Variants in MED30 observed in about 807,000 individuals in gnomAD.
The protein encoded by MED30 is mediator of RNA polymerase II transcription subunit 30.
In MED30, 8 loss-of-function variants were observed where a neutral mutation model predicts 21.7. The ratio of observed to expected loss-of-function variants is 0.37; its 90% confidence interval spans 0.22 to 0.67. The LOEUF is 0.67. Among genes scored for constraint, MED30 ranks in the 30% least tolerant of loss-of-function variants. The pLI is 0.58. For synonymous variants in MED30, 79 were observed against 86.7 expected (o/e 0.91, Z 0.49); for missense variants, 203 against 228.2 (o/e 0.89, Z 0.71).
chr8:117,529,013 C>CT, intron 2 of MED30: 2 of 335,340 alleles, frequency 6.0e-6, no homozygotes, highest in Non-Finnish European at 1.1e-5. Flanking sequence ...TTCTTGTAGA[C>CT]TTTGACAGGC....
rs930684627 is a variant in MED30 at position 117,520,769 on chromosome 8, G to C, written c.-108G>C. On this transcript the variant is annotated 5_prime_UTR_variant, in exon 1 of 4. Transcript: ENST00000297347. ...CGCTGTTTTGAAATCGGGCCGCGGG[G>C]GGTCTCTCAAGCTGGTTCCAACGCT... 7.9e-6 allele frequency: 9 copies of C among 1,139,424 alleles called. No individual in the cohort carries two copies. In the African/African-American group the frequency reaches 1.5e-4, roughly 18 times the overall value. The allele number at this position is 1,139,424 out of a possible 1,614,324, so 70.6% of individuals were successfully genotyped here. A position where few individuals can be genotyped will look rare whatever the true frequency, so the allele number is the denominator to read the frequency against.
chr8:117,522,183 GA>G (rs1818634340), intron 1 of MED30, among the ~76,000 whole-genome samples: 2 of 152,066 alleles, frequency 1.3e-5, no homozygotes, highest in Admixed American at 1.3e-4. Flanking sequence ...TTTAAATTTT[GA>G]TGGAATCCAG....
intron 3 of MED30, among the ~76,000 whole-genome samples, chr8:117,538,240 G>A (rs758211226): frequency 2.7e-4 from 41 of 152,130 alleles, no homozygotes; most frequent in Non-Finnish European, 5.0e-4. Flanking sequence ...TTTGTTTCCC[G>A]AAGACTGTGT....
chr8:117,523,537 C>A lies in MED30; in HGVS notation c.177+2484C>A, dbSNP rs1483978107. ...AAGGTAATCACAGAGATACTGGATA[C>A]CCTCATTGGTAAGGTACCAGTAGAA... On this transcript the variant is annotated intron_variant, in intron 1 of 3. Transcript: ENST00000297347. 1.1e-4 allele frequency: 176 copies of A among 1,600,022 alleles called. No homozygotes were observed. In the East Asian group the frequency reaches 3.9e-3, roughly 35 times the overall value.
At chr8:117,530,677 A>G (rs1818780566) in intron 2 of MED30, 46 bp from the exon 3 acceptor site, 2 of 1,385,314 alleles carry the variant, frequency 1.4e-6, no homozygotes, top group African/African-American at 1.4e-5. Context: ...TGATTAGAAA[A>G]CTTGAATTAT....
intron 3 of MED30, among the ~76,000 whole-genome samples, chr8:117,539,217 G>A (rs552267743): frequency 5.3e-4 from 80 of 152,284 alleles, no homozygotes; most frequent in African/African-American, 1.9e-3. Context: ...GATCTGGCCG[G>A]GTGTGATGGC....
intron 1 of MED30, among the ~76,000 whole-genome samples, chr8:117,522,085 C>G (rs1408847579): frequency 6.6e-6 from 1 of 152,216 alleles, no homozygotes; most frequent in Non-Finnish European, 1.5e-5. Context: ...CTCATCAACA[C>G]CTGTTATGTC....
At chr8:117,535,789 G>GTGAT (rs1213360107) in intron 3 of MED30, among the ~76,000 whole-genome samples, 3 of 151,934 alleles carry the variant, frequency 2.0e-5, no homozygotes, top group African/African-American at 7.3e-5. Flanking sequence ...CATTTACTAG[G>GTGAT]TGATAGAGTT....
intron 1 of MED30, among the ~76,000 whole-genome samples, chr8:117,527,184 T>G (rs937479289): frequency 5.3e-5 from 8 of 152,020 alleles, no homozygotes; most frequent in African/African-American, 1.7e-4. Context: ...AAGGATCCAC[T>G]TAAACTTTTC....
intron 3 of MED30, among the ~76,000 whole-genome samples, chr8:117,535,039 G>A (rs180810854): frequency 1.3e-5 from 2 of 151,914 alleles, no homozygotes; most frequent in African/African-American, 4.8e-5. Context: ...ATGTATAAAA[G>A]GACTTTCTCC....
intron 1 of MED30, among the ~76,000 whole-genome samples, chr8:117,526,666 T>C (rs780552536): frequency 6.6e-5 from 10 of 152,028 alleles, no homozygotes; most frequent in Non-Finnish European, 1.0e-4. Flanking sequence ...CCGTGTATAC[T>C]CTGTACTATG....
intron 1 of MED30, among the ~76,000 whole-genome samples, chr8:117,527,766 C>A (rs572016555): frequency 6.6e-6 from 1 of 151,154 alleles, no homozygotes; most frequent in African/African-American, 2.4e-5. Flanking sequence ...TGAAAATGCC[C>A]GAATACTAGA....
Position 117,520,962 on chromosome 8 carries a change from A to G in MED30, c.86A>G (p.Asn29Ser), listed in dbSNP as rs1818603253. ...PQAQQAAREVNTASLCRIGQE... is the reference protein window; with the variant it reads ...PQAQQAAREVSTASLCRIGQE... ...GCTCAGCAGGCCGCCCGGGAAGTCA[A>G]CACGGCGTCGCTGTGCCGCATCGGG... is the stretch of plus-strand genomic sequence containing the variant. The change falls in exon 1 of 4, where the codon AAC becomes AGC. Residue 29 changes from asparagine to serine, a missense_variant. By Grantham distance (46) the Asn-to-Ser change is conservative. Coordinates refer to ENST00000297347, the MANE Select transcript of MED30 (RefSeq NM_080651.4). 6.2e-7 allele frequency: 1 copy of G among 1,612,886 alleles called. No individual in the cohort carries two copies. The highest frequency in any genetic ancestry group is 1.3e-5 in the African/African-American group (1 of 74,840).
chr8:117,525,668 C>T (rs1818708148), intron 1 of MED30, among the ~76,000 whole-genome samples: 1 of 152,068 alleles, frequency 6.6e-6, no homozygotes. Context: ...AGGTCTGGGC[C>T]TAGCCTTAAC....
At chr8:117,525,744 A>T (rs1355258551) in intron 1 of MED30, among the ~76,000 whole-genome samples, 2 of 152,116 alleles carry the variant, frequency 1.3e-5, no homozygotes, top group African/African-American at 4.8e-5. Context: ...CTTTTATATA[A>T]GTGAATTTGT....
chr8:117,521,826 A>G lies in MED30; in HGVS notation c.177+773A>G, dbSNP rs543239445. 7.2e-5 allele frequency among the ~76,000 whole-genome samples: 11 copies of G among 152,058 alleles called. No individual in the cohort carries two copies. The South Asian group carries it at 1.7e-3, about 23-fold the overall frequency. On this transcript the variant is annotated intron_variant, in intron 1 of 3. Transcript: ENST00000297347. ...CCTACCTTTTCTTCTGTTGATGGAC[A>G]TTTGGGTTGTTTCCACTTTTTGGCT...
At chr8:117,525,935 G>A (rs1172449730) in intron 1 of MED30, among the ~76,000 whole-genome samples, 2 of 151,958 alleles carry the variant, frequency 1.3e-5, no homozygotes, top group Non-Finnish European at 2.9e-5. Context: ...AAGCCTGTTA[G>A]CATTTTTATT....
intron 3 of MED30, 97 bp downstream of exon 3, chr8:117,530,924 T>G: frequency 1.2e-6 from 1 of 844,982 alleles, no homozygotes; most frequent in Non-Finnish European, 1.9e-6. Context: ...AATTATCAAA[T>G]TACATGAAGT....
At chr8:117,529,877 A>G (rs1818770355) in intron 2 of MED30, among the ~76,000 whole-genome samples, 1 of 151,988 alleles carries the variant, frequency 6.6e-6, no homozygotes, top group African/African-American at 2.4e-5. Flanking sequence ...TTCAGGAGGA[A>G]GGACAGCTCT....
Sources: allele counts gnomAD v4.1 joint callset (sites outside exome capture counted in the v4.1 genomes callset), GRCh38; gene constraint gnomAD v4.1.1; transcripts MANE v1.5; gene names NCBI Gene and HGNC (gene_info 2026-07-23, HGNC 2026-07-21).